AFG3L2: variants seen among roughly 807,000 people sequenced by gnomAD.
The protein encoded by AFG3L2 is mitochondrial inner membrane m-AAA protease component AFG3L2.
Under a neutral mutation model 94.5 loss-of-function variants are expected in AFG3L2, and 54 were observed. That is an observed-to-expected ratio of 0.57 (90% CI 0.46 to 0.72). The LOEUF is 0.72. AFG3L2 is among the 30% of genes least tolerant of loss of function. AFG3L2 has a pLI of 0.00. For missense variants in AFG3L2, 754 were observed against 994.9 expected (o/e 0.76, Z 3.26); for synonymous variants, 377 against 365.5 (o/e 1.03, Z -0.36).
At chr18:12,351,882 T>G (rs1315789922) in intron 10 of AFG3L2, among the ~76,000 whole-genome samples, 1 of 152,208 alleles carries the variant, frequency 6.6e-6, no homozygotes, top group African/African-American at 2.4e-5. Flanking sequence ...CTTGAATTAT[T>G]TTTTTACTAT....
Position 12,329,459 on chromosome 18 carries a change from C to A in AFG3L2, c.*106G>T, listed in dbSNP as rs1907442693. 1 of 1,221,350 alleles carries A rather than the reference C, an allele frequency of 8.2e-7. No individual in the cohort carries two copies. The highest frequency in any genetic ancestry group is 1.2e-6 in the Non-Finnish European group (1 of 826,290). The allele number at this position is 1,221,350 out of a possible 1,614,324, so 75.7% of individuals were successfully genotyped here. On this transcript the variant is annotated 3_prime_UTR_variant, in exon 17 of 17. Transcript: ENST00000269143. ...CCCATCATTTCAGCTGGGCCAGTGG[C>A]TGGCTAAAATCAGCGCAGCATTCCC...
intron 6 of AFG3L2, among the ~76,000 whole-genome samples, chr18:12,361,899 G>A (rs1908673157): frequency 6.6e-6 from 1 of 152,204 alleles, no homozygotes; most frequent in South Asian, 2.1e-4. Context: ...ACAGAGGATG[G>A]AACATTCCCC....
intron 15 of AFG3L2, 88 bp downstream of exon 15, chr18:12,340,113 T>C: frequency 8.1e-7 from 1 of 1,232,136 alleles, no homozygotes; most frequent in Non-Finnish European, 1.2e-6. Flanking sequence ...GAAGCACAAC[T>C]ATATTGTTTC....
At position 12,337,402 on chromosome 18, in the gene AFG3L2, A is replaced by G. The variant is rs1598820805; in HGVS notation, c.2114T>C (p.Ile705Thr). Residue 705 changes from isoleucine to threonine, a missense_variant, in exon 16 of 17, where the codon ATT (isoleucine) becomes ACT (threonine). Physicochemically the swap from Ile to Thr is moderately conservative, Grantham distance 89. Coordinates refer to ENST00000269143, the MANE Select transcript of AFG3L2 (RefSeq NM_006796.3). The stretch of plus-strand genomic sequence containing the variant: ...TACTGTTCTTTTATAAGCATCATTA[A>G]TAAGTATTCGTACTTCATCATCTAT... ...RLIDDEVRIL[I>T]NDAYKRTVAL... 3 of 1,614,188 alleles carry G rather than the reference A, an allele frequency of 1.9e-6. No homozygotes were observed. The highest frequency in any genetic ancestry group is 2.5e-6 in the Non-Finnish European group (3 of 1,179,976).
intron 16 of AFG3L2, among the ~76,000 whole-genome samples, chr18:12,332,958 C>CATATACTATATAATA (rs1568131887): frequency 3.9e-4 from 12 of 30,446 alleles, no homozygotes; most frequent in East Asian, 1.2e-3. Context: ...ATATTATATA[C>CATATACTATATAATA]TATAATATAT....
At chr18:12,358,197 A>G (rs1440915729) in intron 8 of AFG3L2, among the ~76,000 whole-genome samples, 2 of 152,240 alleles carry the variant, frequency 1.3e-5, no homozygotes, top group African/African-American at 4.8e-5. Flanking sequence ...CCACTAGCAC[A>G]GTGGGCAAGA....
rs1403169502 is a variant in AFG3L2, at chr18:12,347,551, AT to A, written c.1663+721del. On this transcript the variant is annotated intron_variant, in intron 13 of 16. Transcript: ENST00000269143. ...CAGTTATTTTATTTTATTTATTATT[AT>A]TATTTTTTTTTTTTTTGAGACAGAG... Among the ~76,000 whole-genome samples the A allele has an allele frequency of 3.0e-3, 136 of 45,534 alleles. 1 individual carries two copies. Among genetic ancestry groups the A allele is most frequent in the Non-Finnish European group, 6.0e-3 (93 of 15,454 alleles). 29.9% of individuals were successfully genotyped at this position (45,534 alleles called of 152,430 possible).
intron 3 of AFG3L2, 82 bp downstream of exon 3, chr18:12,370,767 C>T (rs1598839726): frequency 1.0e-6 from 1 of 990,748 alleles, no homozygotes; most frequent in African/African-American, 1.6e-5. Flanking sequence ...CCTGATAACT[C>T]TTTTCTTTGT....
intron 9 of AFG3L2, among the ~76,000 whole-genome samples, chr18:12,355,007 G>A (rs1195678765): frequency 6.6e-6 from 1 of 152,000 alleles, no homozygotes; most frequent in Non-Finnish European, 1.5e-5. Flanking sequence ...CACCTGAAGT[G>A]AGGAGTTCAA....
chr18:12,334,569 C>A (rs985405774), intron 16 of AFG3L2, among the ~76,000 whole-genome samples: 1 of 152,150 alleles, frequency 6.6e-6, no homozygotes, highest in Non-Finnish European at 1.5e-5. Flanking sequence ...TCCCTTTCCT[C>A]CCCCTGCCCA....
intron 12 of AFG3L2, 81 bp downstream of exon 12, chr18:12,351,004 G>T (rs1908296799): frequency 3.8e-6 from 6 of 1,571,062 alleles, no homozygotes; most frequent in Non-Finnish European, 5.2e-6. Context: ...AAGTGAAAAG[G>T]TAAGAAAGTA....
intron 16 of AFG3L2, chr18:12,337,050 T>A: frequency 3.4e-6 from 2 of 591,662 alleles, no homozygotes; most frequent in East Asian, 2.7e-5. Flanking sequence ...GTGAACTATC[T>A]GGTGAGGGAG....
chr18:12,338,099 G>A (rs1250867090), intron 15 of AFG3L2, among the ~76,000 whole-genome samples: 1 of 152,154 alleles, frequency 6.6e-6, no homozygotes, highest in Non-Finnish European at 1.5e-5. Flanking sequence ...TTGAGACAGG[G>A]TCTTGTTCTG....
intron 12 of AFG3L2, among the ~76,000 whole-genome samples, chr18:12,350,118 C>CTCCT (rs1908266421): frequency 6.6e-6 from 1 of 152,088 alleles, no homozygotes; most frequent in African/African-American, 2.4e-5. Context: ...TCAAGCCATT[C>CTCCT]TCCTGCCTCA....
Position 12,353,238 on chromosome 18 carries a change from G to C in AFG3L2, c.1165-80C>G, listed in dbSNP as rs536281091. ...AATAAGAAATGAAATAAATCGGCCG[G>C]GCACAGTGGCTCATGCCTGTAATCC... On this transcript the variant is annotated intron_variant, in intron 9 of 16. Coordinates refer to ENST00000269143, the MANE Select transcript of AFG3L2 (RefSeq NM_006796.3). 4.5e-6 allele frequency: 7 copies of C among 1,544,852 alleles called. No homozygotes were observed. In the African/African-American group the frequency reaches 9.5e-5, roughly 21 times the overall value.
intron 16 of AFG3L2, among the ~76,000 whole-genome samples, chr18:12,334,562 C>T (rs1352295418): frequency 6.6e-6 from 1 of 152,218 alleles, no homozygotes; most frequent in Non-Finnish European, 1.5e-5. Flanking sequence ...TTATCACTCC[C>T]TTTCCTCCCC....
At position 12,359,947 on chromosome 18, in the gene AFG3L2, G is replaced by A; in HGVS notation, c.732C>T (p.Val244=). 3 of 1,613,780 alleles carry A rather than the reference G, an allele frequency of 1.9e-6. No homozygotes were observed. Among genetic ancestry groups the A allele is most frequent in the Non-Finnish European group, 2.5e-6 (3 of 1,180,004 alleles). ...ATTACCCATCACTTTCAGCAATGTAGACAACAGGCACCCGATTTTCTCCTT... is the reference window on the plus strand; with the variant it reads ...ATTACCCATCACTTTCAGCAATGTAAACAACAGGCACCCGATTTTCTCCTT... ...GIEGENRVPV[V]YIAESDGSFL... Residue 244 remains valine (V), a synonymous_variant, in exon 7 of 17, where the codon GTC becomes GTT. Transcript: ENST00000269143.
intron 6 of AFG3L2, among the ~76,000 whole-genome samples, chr18:12,362,242 G>A (rs1282034023): frequency 6.6e-6 from 1 of 152,238 alleles, no homozygotes; most frequent in Non-Finnish European, 1.5e-5. Flanking sequence ...TAAAGGCTGT[G>A]TGTGTGCAGC....
chr18:12,374,335 C>CT (rs1909077567), intron 1 of AFG3L2, among the ~76,000 whole-genome samples: 1 of 152,230 alleles, frequency 6.6e-6, no homozygotes, highest in African/African-American at 2.4e-5. Context: ...TTTTCAGTTG[C>CT]TTTATCATCA....
Sources: allele counts gnomAD v4.1 joint callset (sites outside exome capture counted in the v4.1 genomes callset), GRCh38; gene constraint gnomAD v4.1.1; transcripts MANE v1.5; gene names NCBI Gene and HGNC (gene_info 2026-07-23, HGNC 2026-07-21).